COL16A1: variants seen among roughly 807,000 people sequenced by gnomAD.
The protein encoded by COL16A1 is collagen type XVI alpha 1 chain.
COL16A1 carries 189 observed loss-of-function variants against 266.3 expected under a neutral mutation model. That is an observed-to-expected ratio of 0.71 (90% CI 0.63 to 0.80). The LOEUF (loss-of-function observed/expected upper bound fraction) is 0.80. COL16A1 is among the 30% of genes least tolerant of loss of function. The pLI is 0.00. For synonymous variants in COL16A1, 740 were observed against 782.3 expected (o/e 0.95, Z 0.90); for missense variants, 1,928 against 2,122.4 (o/e 0.91, Z 1.80).
At chr1:31,677,945 C>G (rs1205968884) in intron 42 of COL16A1, among the ~76,000 whole-genome samples, 4 of 152,202 alleles carry the variant, frequency 2.6e-5, no homozygotes, top group Non-Finnish European at 5.9e-5. Flanking sequence ...TGAAATGACT[C>G]TTACACTTCC....
At chr1:31,695,111 C>T in intron 11 of COL16A1, 75 bp downstream of exon 11, 8 of 1,507,472 alleles carry the variant, frequency 5.3e-6, no homozygotes, top group Non-Finnish European at 7.3e-6. Flanking sequence ...ACCCAGGAGG[C>T]TGCCAAGCCA....
Position 31,652,562 on chromosome 1 carries a change from A to C in COL16A1, c.*89T>G, listed in dbSNP as rs907412517. The C allele has an allele frequency of 9.7e-5, 130 of 1,336,388 alleles. No homozygotes were observed. The highest frequency in any genetic ancestry group is 5.8e-4 in the South Asian group (26 of 44,560). 82.8% of individuals were successfully genotyped at this position (1,336,388 alleles called of 1,614,324 possible). Reference sequence around the variant, plus strand: ...CAATTAAAAACAACAACAACAACAAAAAAAACATTCACAACCTGTCACAGA... The same window carrying C: ...CAATTAAAAACAACAACAACAACAACAAAAACATTCACAACCTGTCACAGA... On this transcript the variant is annotated 3_prime_UTR_variant, in exon 71 of 71. Transcript: ENST00000373672. This position sits in a 1 kb window ranked among gnomAD's most constrained non-coding sequence, Gnocchi z 4.8.
intron 55 of COL16A1, 124 bp downstream of exon 55, chr1:31,665,459 C>A: frequency 6.4e-7 from 1 of 1,560,724 alleles, no homozygotes. Context: ...GCCACCCAGG[C>A]CGTTCTCCCC....
intron 10 of COL16A1, 112 bp downstream of exon 10, chr1:31,695,649 C>T (rs1198337246): frequency 6.8e-6 from 7 of 1,035,232 alleles, no homozygotes; most frequent in Non-Finnish European, 1.0e-5. Context: ...TCAAGGAATG[C>T]CAGGAGCTGT....
At chr1:31,677,505 A>G (rs1233776233) in intron 42 of COL16A1, among the ~76,000 whole-genome samples, 1 of 152,246 alleles carries the variant, frequency 6.6e-6, no homozygotes, top group Non-Finnish European at 1.5e-5. Context: ...TCTCAGAACT[A>G]AATGTTCTAC....
At chr1:31,683,082 A>G in intron 36 of COL16A1, 80 bp from the exon 37 acceptor site, 1 of 1,609,764 alleles carries the variant, frequency 6.2e-7, no homozygotes, top group South Asian at 1.1e-5. Context: ...ACATCTCAAC[A>G]GATCTTAGGC....
In COL16A1 at chr1:31,668,763, C is replaced by G. The variant is rs1313266097; in HGVS notation, c.3249+39G>C. The G allele has an allele frequency of 1.2e-6, 2 of 1,612,458 alleles. No homozygotes were observed. Among genetic ancestry groups the G allele is most frequent in the Non-Finnish European group, 1.7e-6 (2 of 1,178,828 alleles). On this transcript the variant is annotated intron_variant, in intron 50 of 70. Coordinates refer to ENST00000373672, the MANE Select transcript of COL16A1 (RefSeq NM_001856.4). The surrounding 1 kb of genome is among the most constrained non-coding windows in gnomAD (Gnocchi z 5.8). ...GCTCTGCCTCCCCAGCTCTTCCTCC[C>G]TTTCCAGCCCTTTCCAGCCCCTGCC...
At chr1:31,661,566 C>T (rs112681488) in intron 59 of COL16A1, 94 bp downstream of exon 59, 16 of 1,611,572 alleles carry the variant, frequency 9.9e-6, no homozygotes, top group Middle Eastern at 1.6e-4. Flanking sequence ...AGTCATAACA[C>T]GGTCCACGGA....
chr1:31,690,064 G>A (rs1428733829), intron 22 of COL16A1: 4 of 617,318 alleles, frequency 6.5e-6, no homozygotes, highest in South Asian at 4.1e-5. Context: ...CTACATCCTC[G>A]CCGTAAGCCT....
At chr1:31,676,910 C>T (rs1017641665) in intron 42 of COL16A1, among the ~76,000 whole-genome samples, 1 of 152,186 alleles carries the variant, frequency 6.6e-6, no homozygotes, top group African/African-American at 2.4e-5. Flanking sequence ...CAGCTCCCAG[C>T]AATGGAACAT....
In COL16A1 at chr1:31,657,117, G is replaced by A; in HGVS notation, c.4021-49C>T. The A allele has an allele frequency of 1.2e-6, 2 of 1,612,768 alleles. No individual in the cohort carries two copies. The highest frequency in any genetic ancestry group is 1.7e-6 in the Non-Finnish European group (2 of 1,178,878). On this transcript the variant is annotated intron_variant, in intron 64 of 70. Transcript: ENST00000373672. This position sits in a 1 kb window ranked among gnomAD's most constrained non-coding sequence, Gnocchi z 6.4. ...ACATGAGGAGCTCCAACCCAGTTTG[G>A]TGTCAGATGCCTCACTTTGTACATG...
At chr1:31,691,948 C>A in intron 17 of COL16A1, 57 bp downstream of exon 17, 1 of 1,612,110 alleles carries the variant, frequency 6.2e-7, no homozygotes, top group South Asian at 1.1e-5. Flanking sequence ...GGTTAAATCC[C>A]AGCATTCTCA....
chr1:31,692,503 A>C lies in COL16A1; in HGVS notation c.1165T>G (p.Ser389Ala), dbSNP rs2148811495. 1 of 1,613,762 alleles carries C rather than the reference A, an allele frequency of 6.2e-7. No individual in the cohort carries two copies. The highest frequency in any genetic ancestry group is 1.3e-5 in the African/African-American group (1 of 74,984). The change falls in exon 16 of 71, where the codon TCA (serine) becomes GCA (alanine). Residue 389 changes from serine (S) to alanine (A), a missense_variant. Physicochemically the swap from Ser to Ala is moderately conservative, Grantham distance 99 (BLOSUM62 1). Coordinates refer to ENST00000373672, the MANE Select transcript of COL16A1 (RefSeq NM_001856.4). Reference sequence around the variant, plus strand: ...TCGCCTGTTGAGCCTGGGAGTCCTGAGGGTCCCTGAGATGAGGAAGGGAGA... The same window carrying C: ...TCGCCTGTTGAGCCTGGGAGTCCTGCGGGTCCCTGAGATGAGGAAGGGAGA... The part of the protein sequence containing the change: ...EKGESGALGP[S>A]GLPGSTGEKG...
In COL16A1 at chr1:31,658,594, G is replaced by C. The variant is rs1290720851; in HGVS notation, c.3931-17C>G. 1 of 1,589,650 alleles carries C rather than the reference G, an allele frequency of 6.3e-7. No individual in the cohort carries two copies. Among genetic ancestry groups the C allele is most frequent in the East Asian group, 2.3e-5 (1 of 44,204 alleles). ...TTTCAGACCCTAGAGAATAGGAAGGGGGACAGTGAGAGGGGAGGAAAGCAG... is the reference window on the plus strand; with the variant it reads ...TTTCAGACCCTAGAGAATAGGAAGGCGGACAGTGAGAGGGGAGGAAAGCAG... On this transcript the variant is annotated splice_polypyrimidine_tract_variant and intron_variant, in intron 63 of 70. Coordinates refer to ENST00000373672, the MANE Select transcript of COL16A1 (RefSeq NM_001856.4).
chr1:31,666,130 G>A, intron 52 of COL16A1, 49 bp from the exon 53 acceptor site: 1 of 1,571,674 alleles, frequency 6.4e-7, no homozygotes, highest in Non-Finnish European at 8.7e-7. Context: ...GGGAGGTGAA[G>A]GATGAGGTAG....
rs893709840 is a variant in COL16A1, at chr1:31,670,476, C to G, written c.3195+126G>C. ...TCAGAGAACCCGTGTCGTTAGCTAC[C>G]GTGCCTGAAGGGGGACAACAAACAC... On this transcript the variant is annotated intron_variant, in intron 49 of 70. Transcript: ENST00000373672. This position sits in a 1 kb window ranked among gnomAD's most constrained non-coding sequence, Gnocchi z 4.5. The G allele has an allele frequency of 1.6e-6, 2 of 1,216,008 alleles. No homozygotes were observed. Among genetic ancestry groups the G allele is most frequent in the East Asian group, 3.2e-5 (1 of 31,396 alleles). 75.3% of individuals were successfully genotyped at this position (1,216,008 alleles called of 1,614,324 possible). A position where few individuals can be genotyped will look rare whatever the true frequency, so the allele number is the denominator to read the frequency against.
Position 31,670,424 on chromosome 1 carries a change from TG to T in COL16A1, c.3195+177del. The stretch of plus-strand genomic sequence containing the variant: ...GAGAAAACGGAAAGGAGTCAGAGAC[TG>T]GGAGGATGTCCAAGCTGCCGGGACC... On this transcript the variant is annotated intron_variant, in intron 49 of 70. Transcript: ENST00000373672. This position sits in a 1 kb window ranked among gnomAD's most constrained non-coding sequence, Gnocchi z 4.5. 3.0e-6 allele frequency: 2 copies of T among 659,990 alleles called. No homozygotes were observed. The highest frequency in any genetic ancestry group is 2.3e-6 in the Non-Finnish European group (1 of 438,588). 40.9% of individuals were successfully genotyped at this position (659,990 alleles called of 1,614,324 possible).
Position 31,672,734 on chromosome 1 carries a change from T to C in COL16A1, c.2966A>G (p.Asn989Ser), listed in dbSNP as rs144759774. 4.2e-5 allele frequency: 67 copies of C among 1,614,046 alleles called. 1 individual carries two copies. The Middle Eastern group carries it at 9.9e-4, about 24-fold the overall frequency. The change falls in exon 45 of 71, where the codon AAC (asparagine) becomes AGC (serine). Residue 989 changes from asparagine to serine, a missense_variant. Physicochemically the swap from Asn to Ser is conservative, Grantham distance 46 (BLOSUM62 1). Coordinates refer to ENST00000373672, the MANE Select transcript of COL16A1 (RefSeq NM_001856.4). ...AGCCCAGTCCCTTACCTGGGCGCAG[T>C]TGTCGAGGCCTGGCACACCAGGGAT... ...QGIPGVPGLD[N>S]CAQCFLSLER...
At chr1:31,680,989 A>C (rs761609917) in intron 38 of COL16A1, 34 bp downstream of exon 38, 3 of 1,613,916 alleles carry the variant, frequency 1.9e-6, no homozygotes, top group Admixed American at 1.7e-5. Flanking sequence ...AGGGCCGGCC[A>C]TGGCTTCCTG....
Sources: allele counts gnomAD v4.1 joint callset (sites outside exome capture counted in the v4.1 genomes callset), GRCh38; gene constraint gnomAD v4.1.1; non-coding constraint Gnocchi (gnomAD v3.1); transcripts MANE v1.5; gene names NCBI Gene and HGNC (gene_info 2026-07-23, HGNC 2026-07-21).